CYTH3: variants seen among roughly 807,000 people sequenced by gnomAD.
CYTH3 encodes cytohesin-3.
In CYTH3, 23 loss-of-function variants were observed where a neutral mutation model predicts 55.1. That is an observed-to-expected ratio of 0.42 (90% CI 0.30 to 0.59). The LOEUF is 0.59. Among genes scored for constraint, CYTH3 ranks in the 20% least tolerant of loss-of-function variants. CYTH3 has a pLI of 0.20. For missense variants in CYTH3, 413 were observed against 524.8 expected (o/e 0.79, Z 2.08); for synonymous variants, 249 against 194.9 (o/e 1.28, Z -2.31).
intron 1 of CYTH3, among the ~76,000 whole-genome samples, chr7:6,266,218 A>G (rs1339655328): frequency 6.6e-6 from 1 of 152,144 alleles, no homozygotes; most frequent in Non-Finnish European, 1.5e-5. Context: ...TTCTTTAAAA[A>G]GCAGGGGGCA....
At chr7:6,189,498 G>C (rs540210126) in intron 2 of CYTH3, among the ~76,000 whole-genome samples, 1 of 151,918 alleles carries the variant, frequency 6.6e-6, no homozygotes, top group African/African-American at 2.4e-5. Context: ...TTGTAGAGAT[G>C]GGGTTTGACC....
chr7:6,262,832 C>G (rs1009191111), intron 1 of CYTH3, among the ~76,000 whole-genome samples: 1 of 152,122 alleles, frequency 6.6e-6, no homozygotes, highest in Non-Finnish European at 1.5e-5. Flanking sequence ...GGCAGGAGGA[C>G]TGCTTGAGCC....
In CYTH3 at chr7:6,246,296, C is replaced by T. The variant is rs535128708; in HGVS notation, c.34+26178G>A. Among the ~76,000 whole-genome samples, 29 of 151,786 alleles carry T rather than the reference C, an allele frequency of 1.9e-4. No homozygotes were observed. The South Asian group carries it at 5.4e-3, about 28-fold the overall frequency. On this transcript the variant is annotated intron_variant, in intron 1 of 12. Coordinates refer to ENST00000350796, the MANE Select transcript of CYTH3 (RefSeq NM_004227.4). ...TGCTCCCCAGGCTGGTGGCGAACTC[C>T]TGCCTCAAGTGTTCCTCCCGCCTCA...
intron 4 of CYTH3, 53 bp downstream of exon 4, chr7:6,186,997 C>G (rs2128543128): frequency 3.2e-6 from 5 of 1,572,354 alleles, no homozygotes; most frequent in Non-Finnish European, 4.4e-6. Context: ...AACGGCAGTT[C>G]AAATCAATTA....
At chr7:6,207,284 C>T (rs1433710898) in intron 1 of CYTH3, among the ~76,000 whole-genome samples, 2 of 151,814 alleles carry the variant, frequency 1.3e-5, no homozygotes, top group African/African-American at 4.8e-5. Flanking sequence ...TTAGTAGAGA[C>T]AGGGCTTCAC....
intron 1 of CYTH3, among the ~76,000 whole-genome samples, chr7:6,253,839 C>G (rs985442825): frequency 2.3e-5 from 3 of 128,300 alleles, no homozygotes; most frequent in Admixed American, 1.6e-4. Context: ...AATAAATAAA[C>G]AAAAGAGGCC....
chr7:6,229,195 C>T (rs981548287), intron 1 of CYTH3, among the ~76,000 whole-genome samples: 1 of 152,224 alleles, frequency 6.6e-6, no homozygotes, highest in Non-Finnish European at 1.5e-5. Context: ...CCTCTCCTTA[C>T]TTGCTTCTCT....
intron 1 of CYTH3, among the ~76,000 whole-genome samples, chr7:6,241,328 G>C (rs889163296): frequency 1.3e-5 from 2 of 152,050 alleles, no homozygotes; most frequent in African/African-American, 4.8e-5. Flanking sequence ...CAGATAAATG[G>C]GCATATAACC....
At chr7:6,249,777 G>C (rs754917451) in intron 1 of CYTH3, among the ~76,000 whole-genome samples, 3 of 152,120 alleles carry the variant, frequency 2.0e-5, no homozygotes, top group African/African-American at 4.8e-5. Flanking sequence ...TGTACATCTC[G>C]ATGTCTTGAT....
intron 1 of CYTH3, among the ~76,000 whole-genome samples, chr7:6,265,448 A>T (rs13237896): frequency 0.05 from 7,333 of 146,006 alleles, 266 homozygotes; most frequent in Middle Eastern, 0.077. Context: ...CGTATCTATT[A>T]AAAAAAAAAA....
At chr7:6,176,238 T>C (rs1241025135) in intron 5 of CYTH3, among the ~76,000 whole-genome samples, 1 of 151,344 alleles carries the variant, frequency 6.6e-6, no homozygotes, top group Non-Finnish European at 1.5e-5. Context: ...ATTGCTATTG[T>C]ATAGAAATAC....
At chr7:6,204,350 G>A (rs1249687992) in intron 1 of CYTH3, among the ~76,000 whole-genome samples, 1 of 152,172 alleles carries the variant, frequency 6.6e-6, no homozygotes, top group African/African-American at 2.4e-5. Flanking sequence ...GTAAAGCAGA[G>A]TTTAGAAAGC....
At chr7:6,172,678 A>G in intron 6 of CYTH3, 1 of 1,044,016 alleles carries the variant, frequency 9.6e-7, no homozygotes, top group Non-Finnish European at 1.2e-6. Context: ...ATGGACTGAA[A>G]GAAATGGAGT....
rs911431077 is a variant in CYTH3 at position 6,164,005 on chromosome 7, G to T, written c.*939C>A. 1 of 152,212 alleles carries T rather than the reference G, an allele frequency of 6.6e-6. No homozygotes were observed. Among genetic ancestry groups the T allele is most frequent in the Admixed American group, 6.5e-5 (1 of 15,280 alleles). The allele number at this position is 152,212 out of a possible 1,614,324, so 9.4% of individuals were successfully genotyped here. Reference sequence around the variant, plus strand: ...ACCATCTGTGTCCAGGGAAAAGGCTGTTTCCTAGGAGTTAGCAGTTACAGC... The same window carrying T: ...ACCATCTGTGTCCAGGGAAAAGGCTTTTTCCTAGGAGTTAGCAGTTACAGC... On this transcript the variant is annotated 3_prime_UTR_variant, in exon 13 of 13. Transcript: ENST00000350796.
chr7:6,187,023 G>A, intron 4 of CYTH3, 27 bp downstream of exon 4: 5 of 1,608,070 alleles, frequency 3.1e-6, no homozygotes, highest in Non-Finnish European at 3.4e-6. Context: ...TCTCCTGCAG[G>A]CCAGAAAAGG....
chr7:6,223,355 C>T (rs889993635), intron 1 of CYTH3, among the ~76,000 whole-genome samples: 7 of 152,120 alleles, frequency 4.6e-5, no homozygotes, highest in African/African-American at 7.2e-5. Flanking sequence ...CCATCAAGAA[C>T]GGGCCATGAT....
chr7:6,223,212 C>A (rs1383660199), intron 1 of CYTH3, among the ~76,000 whole-genome samples: 2 of 151,838 alleles, frequency 1.3e-5, no homozygotes, highest in Non-Finnish European at 1.5e-5. Context: ...AGGTGAGGAG[C>A]GCCTCGGCCC....
chr7:6,267,811 T>C (rs1780540283), intron 1 of CYTH3, among the ~76,000 whole-genome samples: 1 of 152,178 alleles, frequency 6.6e-6, no homozygotes, highest in Non-Finnish European at 1.5e-5. Flanking sequence ...CGTGAGCCAT[T>C]GCGCCCAGCT....
chr7:6,205,163 A>T (rs1281142208), intron 1 of CYTH3, among the ~76,000 whole-genome samples: 1 of 151,726 alleles, frequency 6.6e-6, no homozygotes, highest in Non-Finnish European at 1.5e-5. Flanking sequence ...ATACTCTCTC[A>T]AAAAAGCAAA....
Sources: allele counts gnomAD v4.1 joint callset (sites outside exome capture counted in the v4.1 genomes callset), GRCh38; gene constraint gnomAD v4.1.1; transcripts MANE v1.5; gene names NCBI Gene and HGNC (gene_info 2026-07-23, HGNC 2026-07-21).